Variants in STT3B observed in about 807,000 individuals in gnomAD.
STT3B encodes STT3 oligosaccharyltransferase complex catalytic subunit B, also known as dolichyl-diphosphooligosaccharide--protein glycosyltransferase subunit STT3B.
In STT3B, 29 loss-of-function variants were observed where a neutral mutation model predicts 96.8. The ratio of observed to expected loss-of-function variants is 0.30; its 90% CI spans 0.22 to 0.41. The LOEUF (loss-of-function observed/expected upper bound fraction) is 0.41, where lower values mean the gene tolerates loss of function less well. STT3B is among the 10% of genes least tolerant of loss of function. The probability of loss-of-function intolerance (pLI) is 1.00; values close to 1 mark genes in which losing one functional copy is unlikely to be tolerated. For synonymous variants in STT3B, 367 were observed against 360.0 expected (o/e 1.02, Z -0.22); for missense variants, 640 against 1,022.3 (o/e 0.63, Z 5.10).
chr3:31,600,153 A>T (rs1432749317), intron 4 of STT3B, among the ~76,000 whole-genome samples: 1 of 152,138 alleles, frequency 6.6e-6, no homozygotes, highest in Non-Finnish European at 1.5e-5. Context: ...TTGGAAAAGC[A>T]TATTGGATTT....
At chr3:31,606,733 A>T (rs1699062555) in intron 5 of STT3B, among the ~76,000 whole-genome samples, 3 of 152,190 alleles carry the variant, frequency 2.0e-5, no homozygotes, top group Admixed American at 1.3e-4. Context: ...CCCCATACAA[A>T]GTCCCCACTG....
intron 13 of STT3B, 51 bp downstream of exon 13, chr3:31,626,178 C>T (rs368632958): frequency 1.3e-5 from 20 of 1,486,740 alleles, no homozygotes; most frequent in South Asian, 2.4e-5. Flanking sequence ...ACTGTGTCCT[C>T]GTAATTCTCT....
At chr3:31,575,608 C>T (rs1437240252) in intron 1 of STT3B, among the ~76,000 whole-genome samples, 2 of 151,964 alleles carry the variant, frequency 1.3e-5, no homozygotes, top group Non-Finnish European at 2.9e-5. Flanking sequence ...ATAAGGATTT[C>T]CTGTTCATCT....
intron 1 of STT3B, among the ~76,000 whole-genome samples, chr3:31,560,743 A>G (rs1451458635): frequency 6.6e-6 from 1 of 151,972 alleles, no homozygotes; most frequent in Non-Finnish European, 1.5e-5. Flanking sequence ...AACATTTTGC[A>G]TTGTATCTGT....
chr3:31,590,134 C>A (rs139413211), intron 3 of STT3B, among the ~76,000 whole-genome samples: 386 of 151,800 alleles, frequency 2.5e-3, no homozygotes, highest in African/African-American at 9.0e-3. Context: ...AGAAATTGTT[C>A]ATAATATTTC....
chr3:31,555,479 A>G (rs898965069), intron 1 of STT3B, among the ~76,000 whole-genome samples: 5 of 152,158 alleles, frequency 3.3e-5, no homozygotes, highest in African/African-American at 4.8e-5. Context: ...GATTAAGGAA[A>G]TAGCGTTTCT....
At chr3:31,592,554 A>G (rs1698690205) in intron 3 of STT3B, among the ~76,000 whole-genome samples, 1 of 152,004 alleles carries the variant, frequency 6.6e-6, no homozygotes, top group East Asian at 1.9e-4. Flanking sequence ...TCCCACCGAC[A>G]CTGCACAAAG....
intron 4 of STT3B, 47 bp downstream of exon 4, chr3:31,596,910 A>T (rs756147267): frequency 7.5e-7 from 1 of 1,339,094 alleles, no homozygotes; most frequent in East Asian, 2.3e-5. Context: ...AGGTCTCTGG[A>T]GGTTAAAACA....
intron 1 of STT3B, among the ~76,000 whole-genome samples, chr3:31,540,785 A>G (rs945352185): frequency 1.3e-5 from 2 of 152,186 alleles, no homozygotes; most frequent in African/African-American, 4.8e-5. Context: ...TCAAAATTCT[A>G]GTATATCCAC....
At chr3:31,555,162 T>C (rs532842069) in intron 1 of STT3B, among the ~76,000 whole-genome samples, 1 of 152,298 alleles carries the variant, frequency 6.6e-6, no homozygotes, top group South Asian at 2.1e-4. Context: ...GTACCAATTT[T>C]GTGGGGAATA....
At chr3:31,584,331 T>C (rs1221538316) in intron 3 of STT3B, among the ~76,000 whole-genome samples, 1 of 152,244 alleles carries the variant, frequency 6.6e-6, no homozygotes, top group Admixed American at 6.5e-5. Flanking sequence ...ACTGTAGCTT[T>C]GTAATGAGTT....
chr3:31,554,409 C>CGTT (rs900004782), intron 1 of STT3B, among the ~76,000 whole-genome samples: 1 of 152,092 alleles, frequency 6.6e-6, no homozygotes, highest in Non-Finnish European at 1.5e-5. Flanking sequence ...TACTATCTCT[C>CGTT]GTTGTTGTTG....
intron 1 of STT3B, among the ~76,000 whole-genome samples, chr3:31,565,843 A>G (rs1212885918): frequency 6.6e-5 from 10 of 152,214 alleles, no homozygotes; most frequent in Non-Finnish European, 1.5e-4. Context: ...GACATATATT[A>G]GACTTCTCTG....
At chr3:31,586,900 G>T (rs368143451) in intron 3 of STT3B, among the ~76,000 whole-genome samples, 58 of 151,964 alleles carry the variant, frequency 3.8e-4, no homozygotes, top group African/African-American at 1.4e-3. Context: ...CTTCTTTAAC[G>T]GAAAAGCCTT....
At chr3:31,607,244 A>AT (rs1205499113) in intron 5 of STT3B, among the ~76,000 whole-genome samples, 4 of 152,142 alleles carry the variant, frequency 2.6e-5, no homozygotes, top group African/African-American at 9.6e-5. Context: ...ACTTGGGACT[A>AT]TTGGGGGACT....
rs1000588528 is a variant in STT3B, at chr3:31,630,866, G to A, written c.2187+1455G>A. Among the ~76,000 whole-genome samples the A allele has an allele frequency of 2.0e-5, 3 of 150,574 alleles. No homozygotes were observed. The South Asian group carries it at 6.3e-4, about 32-fold the overall frequency. On this transcript the variant is annotated intron_variant, in intron 14 of 15. Transcript: ENST00000295770. ...GGCTGGAGTACAGTGGTGTGATCTC[G>A]GCTCACTGCAAGCTTCGCCTCCCAG...
intron 5 of STT3B, among the ~76,000 whole-genome samples, chr3:31,606,154 C>A (rs540534933): frequency 6.6e-6 from 1 of 152,278 alleles, no homozygotes; most frequent in Admixed American, 6.5e-5. Context: ...AAAAAGCATT[C>A]CATTTTTAAA....
At chr3:31,546,479 G>T (rs149146810) in intron 1 of STT3B, among the ~76,000 whole-genome samples, 1 of 152,180 alleles carries the variant, frequency 6.6e-6, no homozygotes, top group Non-Finnish European at 1.5e-5. Context: ...CATTTCAAAG[G>T]GGGAGAAAGC....
At chr3:31,569,685 T>C (rs894347090) in intron 1 of STT3B, among the ~76,000 whole-genome samples, 2 of 152,134 alleles carry the variant, frequency 1.3e-5, no homozygotes, top group South Asian at 2.1e-4. Context: ...ATATGTGAGA[T>C]TGGACATCGT....
Sources: gnomAD v4.1 joint callset for allele counts (sites outside exome capture counted in the v4.1 genomes callset) on GRCh38, gnomAD v4.1.1 for gene constraint, MANE v1.5 for transcripts, NCBI Gene and HGNC (gene_info 2026-07-23, HGNC 2026-07-21) for gene names.